PTPN14: variants seen among roughly 807,000 people sequenced by gnomAD.
PTPN14 encodes the protein tyrosine-protein phosphatase non-receptor type 14.
In PTPN14, 53 loss-of-function variants were observed where a neutral mutation model predicts 126.8. The observed-to-expected ratio is 0.42, with a 90% CI of 0.34 to 0.53. PTPN14 has a LOEUF of 0.53. PTPN14 is among the 20% of genes least tolerant of loss of function. The probability of loss-of-function intolerance (pLI) is 0.08; values close to 1 mark genes in which losing one functional copy is unlikely to be tolerated. For missense variants in PTPN14, 1,257 were observed against 1,552.9 expected, an observed-to-expected ratio of 0.81 and a Z score of 3.20; for synonymous variants, 630 against 599.3, an observed-to-expected ratio of 1.05 and a Z score of -0.75.
chr1:214,546,855 T>C (rs1396360963), intron 1 of PTPN14, among the ~76,000 whole-genome samples: 1 of 152,146 alleles, frequency 6.6e-6, no homozygotes, highest in East Asian at 1.9e-4. Flanking sequence ...ACATGTAAGG[T>C]TGATCTAAGA....
At chr1:214,393,387 T>C (rs935681142) in intron 10 of PTPN14, among the ~76,000 whole-genome samples, 9 of 152,154 alleles carry the variant, frequency 5.9e-5, no homozygotes, top group African/African-American at 1.4e-4. Flanking sequence ...CCTGGCAAAT[T>C]GGGAACTGCA....
chr1:214,380,061 C>G (rs1004170490), intron 13 of PTPN14, among the ~76,000 whole-genome samples: 1 of 152,202 alleles, frequency 6.6e-6, no homozygotes, highest in African/African-American at 2.4e-5. Flanking sequence ...TCTCGGGAAC[C>G]CCCTGGGGGA....
intron 3 of PTPN14, among the ~76,000 whole-genome samples, chr1:214,433,682 CCAGCACA>C (rs986738529): frequency 2.0e-5 from 3 of 151,922 alleles, no homozygotes; most frequent in Admixed American, 6.6e-5. Context: ...CGTCCAGTTC[CCAGCACA>C]CAGCAGATAT....
At chr1:214,416,606 T>C (rs1035145899) in intron 3 of PTPN14, among the ~76,000 whole-genome samples, 1 of 152,104 alleles carries the variant, frequency 6.6e-6, no homozygotes, top group South Asian at 2.1e-4. Context: ...AGGATTTTGC[T>C]GGAATATAAA....
At chr1:214,366,699 TAC>T (rs1159868212) in intron 17 of PTPN14, among the ~76,000 whole-genome samples, 2 of 152,158 alleles carry the variant, frequency 1.3e-5, no homozygotes, top group Non-Finnish European at 2.9e-5. Flanking sequence ...TACATACATT[TAC>T]ATTCTTTAAA....
chr1:214,436,666 AAT>A (rs751454820), intron 3 of PTPN14, among the ~76,000 whole-genome samples: 5 of 152,042 alleles, frequency 3.3e-5, no homozygotes, highest in Non-Finnish European at 7.4e-5. Context: ...GGGCGCCTGT[AAT>A]CCCAGCTACT....
chr1:214,521,929 T>C (rs1052205576), intron 1 of PTPN14, among the ~76,000 whole-genome samples: 8 of 145,700 alleles, frequency 5.5e-5, no homozygotes, highest in Non-Finnish European at 1.2e-4. Flanking sequence ...AAAATATAAA[T>C]CTGAAGCTTT....
intron 3 of PTPN14, among the ~76,000 whole-genome samples, chr1:214,433,493 C>T (rs1659838998): frequency 6.6e-6 from 1 of 151,960 alleles, no homozygotes; most frequent in African/African-American, 2.4e-5. Flanking sequence ...AAGTAACTAA[C>T]AGTTCATCAC....
At chr1:214,542,857 CA>C (rs1180723655) in intron 1 of PTPN14, among the ~76,000 whole-genome samples, 2 of 152,132 alleles carry the variant, frequency 1.3e-5, no homozygotes, top group Non-Finnish European at 2.9e-5. Flanking sequence ...CCTTAAACAT[CA>C]AGCTGAAGTA....
chr1:214,406,356 T>C (rs1659170205), intron 5 of PTPN14, among the ~76,000 whole-genome samples: 1 of 151,938 alleles, frequency 6.6e-6, no homozygotes, highest in Non-Finnish European at 1.5e-5. Flanking sequence ...CACATGCCTG[T>C]TGTCACAGGA....
chr1:214,494,849 T>TA (rs1350910780), intron 1 of PTPN14, among the ~76,000 whole-genome samples: 2 of 152,190 alleles, frequency 1.3e-5, no homozygotes, highest in Non-Finnish European at 2.9e-5. Flanking sequence ...GACCAAAGTA[T>TA]AATTAGAAAC....
intron 1 of PTPN14, among the ~76,000 whole-genome samples, chr1:214,491,131 G>T (rs1192031364): frequency 1.3e-5 from 2 of 151,970 alleles, no homozygotes; most frequent in African/African-American, 4.8e-5. Flanking sequence ...CCAGTGGCAT[G>T]GGCAAGATTT....
chr1:214,489,020 G>A (rs899368007), intron 1 of PTPN14, among the ~76,000 whole-genome samples: 2 of 152,150 alleles, frequency 1.3e-5, no homozygotes, highest in Non-Finnish European at 2.9e-5. Flanking sequence ...AGGCTGCATC[G>A]AAAGACAACA....
chr1:214,464,172 T>C (rs555690950), intron 2 of PTPN14, among the ~76,000 whole-genome samples: 50 of 86,678 alleles, frequency 5.8e-4, no homozygotes, highest in Non-Finnish European at 1.0e-3. Flanking sequence ...TTTCTCTTTA[T>C]TCGGTGGGGT....
chr1:214,493,442 C>T (rs893183958), intron 1 of PTPN14, among the ~76,000 whole-genome samples: 11 of 152,090 alleles, frequency 7.2e-5, no homozygotes, highest in African/African-American at 1.9e-4. Context: ...ACCCCATTTT[C>T]CATGATGTGA....
In PTPN14 at chr1:214,544,205, C is replaced by T. The variant is rs374313142; in HGVS notation, c.-155+6978G>A. Among the ~76,000 whole-genome samples the T allele has an allele frequency of 2.0e-3, 308 of 152,288 alleles. 1 individual carries two copies. Among genetic ancestry groups the T allele is most frequent in the African/African-American group, 7.4e-3 (306 of 41,558 alleles). On this transcript the variant is annotated intron_variant, in intron 1 of 18. Coordinates refer to ENST00000366956, the MANE Select transcript of PTPN14 (RefSeq NM_005401.5). The stretch of plus-strand genomic sequence containing the variant: ...CTTTGGGAAGCCAAAGTAGGAGGAT[C>T]GCTTGAGCCCAGGAGTTCAGGACCA...
At chr1:214,471,257 TACTC>T (rs2102661805) in intron 1 of PTPN14, among the ~76,000 whole-genome samples, 1 of 152,018 alleles carries the variant, frequency 6.6e-6, no homozygotes, top group Non-Finnish European at 1.5e-5. Flanking sequence ...AAGGGAAAAA[TACTC>T]ACTCGACTGA....
chr1:214,369,465 C>T lies in PTPN14; in HGVS notation c.3263G>A (p.Gly1088Glu). Reference sequence around the variant, plus strand: ...GGAAGAAAAACACTTACATAAAAATCCTTGGACATCTTCTGGACAGCCGTG... The same window carrying T: ...GGAAGAAAAACACTTACATAAAAATTCTTGGACATCTTCTGGACAGCCGTG... ...PDHGCPEDVQGFLSYLEEIQS... is the reference protein window; with the variant it reads ...PDHGCPEDVQEFLSYLEEIQS... Residue 1088 changes from glycine to glutamate, a missense_variant, in exon 17 of 19, where the codon GGA becomes GAA. Physicochemically the swap from Gly to Glu is moderately conservative, Grantham distance 98. This residue lies in a region of PTPN14 where 171 missense variants were observed against 229.8 expected (regional missense o/e 0.74). Coordinates refer to ENST00000366956, the MANE Select transcript of PTPN14 (RefSeq NM_005401.5). 6.2e-7 allele frequency: 1 copy of T among 1,613,556 alleles called. No individual in the cohort carries two copies. The highest frequency in any genetic ancestry group is 8.5e-7 in the Non-Finnish European group (1 of 1,179,500).
Position 214,384,266 on chromosome 1 carries a change from G to A in PTPN14, c.1589C>T (p.Ala530Val). The A allele has an allele frequency of 6.2e-7, 1 of 1,614,138 alleles. No homozygotes were observed. Among genetic ancestry groups the A allele is most frequent in the South Asian group, 1.1e-5 (1 of 91,082 alleles). The change falls in exon 13 of 19, where the codon GCA (alanine) becomes GTA (valine). Residue 530 changes from alanine (A) to valine (V), a missense_variant. Physicochemically the swap from Ala to Val is moderately conservative, Grantham distance 64. This residue lies in a region of PTPN14 where 1,021 missense variants were observed against 1,183.3 expected (regional missense o/e 0.86). Coordinates refer to ENST00000366956, the MANE Select transcript of PTPN14 (RefSeq NM_005401.5). The surrounding 1 kb of genome is among the most constrained non-coding windows in gnomAD (Gnocchi z 5.3). The part of the protein sequence containing the change: ...KNNVVPSKPG[A>V]SAISHTVSTP... Reference sequence around the variant, plus strand: ...GCTCACCGTGTGCGAGATGGCGCTTGCCCCCGGCTTGCTTGGTACCACATT... The same window carrying A: ...GCTCACCGTGTGCGAGATGGCGCTTACCCCCGGCTTGCTTGGTACCACATT...
Sources: allele counts gnomAD v4.1 joint callset (sites outside exome capture counted in the v4.1 genomes callset), GRCh38; gene constraint gnomAD v4.1.1; regional missense constraint gnomAD v4.1.1; non-coding constraint Gnocchi (gnomAD v3.1); transcripts MANE v1.5; gene names NCBI Gene and HGNC (gene_info 2026-07-23, HGNC 2026-07-21).